The following SSTR5 variants were observed in gnomAD, a reference collection of about 807,000 sequenced individuals.
SSTR5 encodes the protein somatostatin receptor type 5.
SSTR5 carries 1 observed loss-of-function variant against 0.3 expected under a neutral mutation model. That is an observed-to-expected ratio of 2.98 (90% confidence interval 1.06 to 14.15). The LOEUF (loss-of-function observed/expected upper bound fraction) is 14.15, where lower values mean the gene tolerates loss of function less well. Ranked by LOEUF, SSTR5 falls within the 30% of genes most tolerant of loss-of-function variation. The probability of loss-of-function intolerance (pLI) is 0.12; values close to 1 mark genes in which losing one functional copy is unlikely to be tolerated. For synonymous variants in SSTR5, 256 were observed against 263.1 expected (o/e 0.97, Z 0.26); for missense variants, 516 against 543.2 (o/e 0.95, Z 0.50).
chr16:1,079,573 G>A lies in SSTR5; in HGVS notation c.705G>A (p.Val235=). ...VVKVRAAGVR[V]GCVRRRSERK... is the part of the protein sequence containing the mutation. ...AGGTGAGGGCGGCGGGCGTGCGCGTGGGCTGCGTGCGGCGGCGCTCGGAGC... is the reference window on the plus strand; with the variant it reads ...AGGTGAGGGCGGCGGGCGTGCGCGTAGGCTGCGTGCGGCGGCGCTCGGAGC... Residue 235 remains valine, a synonymous_variant, in exon 2 of 2, where the codon GTG becomes GTA. Coordinates refer to ENST00000689027, the MANE Select transcript of SSTR5 (RefSeq NM_001172560.3). The A allele has an allele frequency of 6.2e-7, 1 of 1,611,440 alleles. No individual in the cohort carries two copies.
At chr16:1,078,292 C>A (rs941990123) in intron 1 of SSTR5, 2 of 158,320 alleles carry the variant, frequency 1.3e-5, no homozygotes, top group African/African-American at 4.8e-5. Context: ...GAAAGTCCCT[C>A]GAGGCTGCGG....
At position 1,079,338 on chromosome 16, in the gene SSTR5, A is replaced by C. The variant is rs1960297843; in HGVS notation, c.470A>C (p.Lys157Thr). Residue 157 changes from lysine (K) to threonine (T), a missense_variant, in exon 2 of 2, where the codon AAG becomes ACG. By Grantham distance (78) the Lys-to-Thr change is moderately conservative. Transcript: ENST00000689027. ...SARWRRPRVA[K>T]LASAAAWVLS... ...CGCTGGCGCCGCCCGCGTGTGGCCA[A>C]GCTGGCGAGCGCCGCGGCCTGGGTC... 1 of 1,605,320 alleles carries C rather than the reference A, an allele frequency of 6.2e-7. No individual in the cohort carries two copies. The highest frequency in any genetic ancestry group is 8.5e-7 in the Non-Finnish European group (1 of 1,176,318).
intron 1 of SSTR5, among the ~76,000 whole-genome samples, chr16:1,074,756 G>C (rs986158348): frequency 2.2e-4 from 33 of 152,350 alleles, no homozygotes; most frequent in African/African-American, 7.5e-4. Context: ...GGCACCTGCA[G>C]ATGGTGAGTT....
chr16:1,078,735 G>A, intron 1 of SSTR5, 107 bp from the exon 2 acceptor site: 1 of 1,023,010 alleles, frequency 9.8e-7, no homozygotes, highest in Admixed American at 2.3e-5. Context: ...TTTACCCGGT[G>A]ATCCCGCGCC....
In SSTR5 at chr16:1,074,297, C is replaced by A. The variant is rs571769109; in HGVS notation, c.-28+1475C>A. Among the ~76,000 whole-genome samples, 6 of 152,358 alleles carry A rather than the reference C, an allele frequency of 3.9e-5. No individual in the cohort carries two copies. In the East Asian group the frequency reaches 1.2e-3, roughly 29 times the overall value. ...CAATGGAGGAGCCCGGGTGGGTCTGCAGCCTCTCCAGGGTGCGGCGTGGGC... is the reference window on the plus strand; with the variant it reads ...CAATGGAGGAGCCCGGGTGGGTCTGAAGCCTCTCCAGGGTGCGGCGTGGGC... On this transcript the variant is annotated intron_variant, in intron 1 of 1. Coordinates refer to ENST00000689027, the MANE Select transcript of SSTR5 (RefSeq NM_001172560.3).
At position 1,080,394 on chromosome 16, in the gene SSTR5, G is replaced by A. The variant is rs34987805; in HGVS notation, c.*431G>A. Among the ~76,000 whole-genome samples, 1,118 of 152,372 alleles carry A rather than the reference G, an allele frequency of 7.3e-3. 7 individuals are homozygous for A. Among genetic ancestry groups the A allele is most frequent in the Admixed American group, 0.014 (207 of 15,314 alleles). On this transcript the variant is annotated 3_prime_UTR_variant, in exon 2 of 2. Coordinates refer to ENST00000689027, the MANE Select transcript of SSTR5 (RefSeq NM_001172560.3). Reference sequence around the variant, plus strand: ...GTCAGCTCCGAGCCACCGGGTCCCCGTCCAAGGCTGCTCTGCTAAGTTAAA... The same window carrying A: ...GTCAGCTCCGAGCCACCGGGTCCCCATCCAAGGCTGCTCTGCTAAGTTAAA...
chr16:1,075,779 G>A (rs372716163), intron 1 of SSTR5, among the ~76,000 whole-genome samples: 2 of 151,728 alleles, frequency 1.3e-5, no homozygotes, highest in African/African-American at 2.4e-5. Flanking sequence ...AGAGGGAGCC[G>A]CAAACATGGC....
Position 1,079,195 on chromosome 16 carries a change from C to T in SSTR5, c.327C>T (p.Pro109=), listed in dbSNP as rs985135097. The T allele has an allele frequency of 6.2e-6, 10 of 1,612,558 alleles. No homozygotes were observed. The highest frequency in any genetic ancestry group is 5.3e-5 in the African/African-American group (4 of 75,062). Residue 109 remains proline, a synonymous_variant, in exon 2 of 2, where the codon CCC becomes CCT. Coordinates refer to ENST00000689027, the MANE Select transcript of SSTR5 (RefSeq NM_001172560.3). Reference sequence around the variant, plus strand: ...CCGCGTCCTTCTGGCCCTTCGGCCCCGTCCTGTGCCGCCTGGTCATGACGC... The same window carrying T: ...CCGCGTCCTTCTGGCCCTTCGGCCCTGTCCTGTGCCGCCTGGTCATGACGC... The part of the protein sequence containing the change: ...QNAASFWPFG[P]VLCRLVMTLD...
In SSTR5 at chr16:1,079,042, C is replaced by T. The variant is rs759845487; in HGVS notation, c.174C>T (p.Asn58=). 4.3e-6 allele frequency: 7 copies of T among 1,611,188 alleles called. No homozygotes were observed. In the African/African-American group the frequency reaches 6.7e-5, roughly 15 times the overall value. Residue 58 remains asparagine, a synonymous_variant, in exon 2 of 2, where the codon AAC becomes AAT. Transcript: ENST00000689027. ...LLVCAAGLGG[N]TLVIYVVLRF... ...TGTGTGCGGCCGGGCTGGGCGGGAACACGCTGGTCATCTACGTGGTGCTGC... is the reference window on the plus strand; with the variant it reads ...TGTGTGCGGCCGGGCTGGGCGGGAATACGCTGGTCATCTACGTGGTGCTGC...
rs772503899 is a variant in SSTR5, at chr16:1,079,344, C to T, written c.476C>T (p.Ala159Val). 12 of 1,603,288 alleles carry T rather than the reference C, an allele frequency of 7.5e-6. No homozygotes were observed. The highest frequency in any genetic ancestry group is 2.2e-5 in the South Asian group (2 of 90,578). Reference sequence around the variant, plus strand: ...CGCCGCCCGCGTGTGGCCAAGCTGGCGAGCGCCGCGGCCTGGGTCCTGTCT... The same window carrying T: ...CGCCGCCCGCGTGTGGCCAAGCTGGTGAGCGCCGCGGCCTGGGTCCTGTCT... The part of the protein sequence containing the change: ...RWRRPRVAKL[A>V]SAAAWVLSLC... Residue 159 changes from alanine (A) to valine (V), a missense_variant, in exon 2 of 2, where the codon GCG becomes GTG. Physicochemically the swap from Ala to Val is moderately conservative, Grantham distance 64 (BLOSUM62 0). Coordinates refer to ENST00000689027, the MANE Select transcript of SSTR5 (RefSeq NM_001172560.3).
Position 1,080,247 on chromosome 16 carries a change from A to C in SSTR5, c.*284A>C. On this transcript the variant is annotated 3_prime_UTR_variant, in exon 2 of 2. Transcript: ENST00000689027. ...CCGTGCAAGTGCTCAGGGCCGCCTC[A>C]CCCTCCATCTGGCCCCAGCCCATGC... The C allele has an allele frequency of 2.3e-6, 1 of 426,764 alleles. No individual in the cohort carries two copies. Among genetic ancestry groups the C allele is most frequent in the Non-Finnish European group, 4.3e-6 (1 of 234,290 alleles). 26.4% of individuals were successfully genotyped at this position (426,764 alleles called of 1,614,324 possible). A position where few individuals can be genotyped will look rare whatever the true frequency, so the allele number is the denominator to read the frequency against.
chr16:1,078,064 C>CG (rs1567385807), intron 1 of SSTR5: 1 of 152,438 alleles, frequency 6.6e-6, no homozygotes, highest in Non-Finnish European at 1.5e-5. Context: ...GCAGTCCCCC[C>CG]TCCTTCGCCC....
intron 1 of SSTR5, among the ~76,000 whole-genome samples, chr16:1,073,918 G>C (rs766711386): frequency 6.6e-6 from 1 of 152,260 alleles, no homozygotes; most frequent in Non-Finnish European, 1.5e-5. Flanking sequence ...TGCCTGGTGT[G>C]GAGGGTGCCC....
rs1960375113 is a variant in SSTR5, at chr16:1,081,277, C to G, written c.*1314C>G. On this transcript the variant is annotated 3_prime_UTR_variant, in exon 2 of 2. Transcript: ENST00000689027. ...CCCAGCACTGGCCCCGACCCGTGCT[C>G]CCGCCGTCTGCCCAGAGCAGGACCT... 2.7e-6 allele frequency: 1 copy of G among 373,160 alleles called. No individual in the cohort carries two copies. The highest frequency in any genetic ancestry group is 2.1e-5 in the African/African-American group (1 of 46,798). 23.1% of individuals were successfully genotyped at this position (373,160 alleles called of 1,614,324 possible).
Position 1,080,784 on chromosome 16 carries a change from G to C in SSTR5, c.*821G>C, listed in dbSNP as rs568340207. ...AGATGGCTGTGCCGTGCTGAGATTGGCTCTGTCTGGAGGGGTCCAGTGTGG... is the reference window on the plus strand; with the variant it reads ...AGATGGCTGTGCCGTGCTGAGATTGCCTCTGTCTGGAGGGGTCCAGTGTGG... On this transcript the variant is annotated 3_prime_UTR_variant, in exon 2 of 2. Transcript: ENST00000689027. Among the ~76,000 whole-genome samples, 1 of 152,294 alleles carries C rather than the reference G, an allele frequency of 6.6e-6. No individual in the cohort carries two copies. The highest frequency in any genetic ancestry group is 1.9e-4 in the East Asian group (1 of 5,178).
Position 1,078,820 on chromosome 16 carries a change from G to A in SSTR5, c.-27-22G>A, listed in dbSNP as rs200767615. 1.1e-3 allele frequency: 1,776 copies of A among 1,592,750 alleles called. 23 individuals are homozygous for A. The highest frequency in any genetic ancestry group is 1.7e-4 in the Non-Finnish European group (197 of 1,175,996). ...TGGTTCAGGGACTCACCACCCTGGCGTCCTCCCTTCTTCTCTTGCAGAGCC... is the reference window on the plus strand; with the variant it reads ...TGGTTCAGGGACTCACCACCCTGGCATCCTCCCTTCTTCTCTTGCAGAGCC... On this transcript the variant is annotated intron_variant, in intron 1 of 1. Transcript: ENST00000689027.
In SSTR5 at chr16:1,080,467, C is replaced by A. The variant is rs1188135849; in HGVS notation, c.*504C>A. ...AGGTCCCCGGAGTCCCTGGCCAGGGCCCCAGCCCCTCGCTTGCCCTGCACT... is the reference window on the plus strand; with the variant it reads ...AGGTCCCCGGAGTCCCTGGCCAGGGACCCAGCCCCTCGCTTGCCCTGCACT... On this transcript the variant is annotated 3_prime_UTR_variant, in exon 2 of 2. Coordinates refer to ENST00000689027, the MANE Select transcript of SSTR5 (RefSeq NM_001172560.3). Among the ~76,000 whole-genome samples the A allele has an allele frequency of 5.3e-5, 8 of 152,214 alleles. No individual in the cohort carries two copies. Among genetic ancestry groups the A allele is most frequent in the Non-Finnish European group, 8.8e-5 (6 of 68,024 alleles).
At position 1,079,871 on chromosome 16, in the gene SSTR5, C is replaced by T. The variant is rs1438992659; in HGVS notation, c.1003C>T (p.Pro335Ser). 1.9e-6 allele frequency: 3 copies of T among 1,610,940 alleles called. No individual in the cohort carries two copies. The highest frequency in any genetic ancestry group is 1.3e-5 in the African/African-American group (1 of 74,928). The change falls in exon 2 of 2, where the codon CCG becomes TCG. Residue 335 changes from proline to serine, a missense_variant. Pro to Ser is a moderately conservative substitution (Grantham distance 74). Coordinates refer to ENST00000689027, the MANE Select transcript of SSTR5 (RefSeq NM_001172560.3). The part of the protein sequence containing the change: ...SGAKDADATE[P>S]RPDRIRQQQE... ...TGCCAAGGACGCTGACGCCACGGAG[C>T]CGCGTCCAGACAGGATCCGGCAGCA...
intron 1 of SSTR5, among the ~76,000 whole-genome samples, chr16:1,074,161 A>G (rs1960146355): frequency 6.6e-6 from 1 of 152,172 alleles, no homozygotes; most frequent in African/African-American, 2.4e-5. Flanking sequence ...CAGAGGAAAC[A>G]GGTCAGAACG....
Sources: gnomAD v4.1 joint callset for allele counts (sites outside exome capture counted in the v4.1 genomes callset) on GRCh38, gnomAD v4.1.1 for gene constraint, MANE v1.5 for transcripts, NCBI Gene and HGNC (gene_info 2026-07-23, HGNC 2026-07-21) for gene names.